CDK14: variants seen among roughly 807,000 people sequenced by gnomAD.
The protein encoded by CDK14 is cyclin-dependent kinase 14.
Under a neutral mutation model 60.7 loss-of-function variants are expected in CDK14, and 34 were observed. That is an observed-to-expected ratio of 0.56 (90% CI 0.43 to 0.75). CDK14 has a LOEUF of 0.75. Ranked by LOEUF, CDK14 falls within the 30% of genes least tolerant of loss-of-function variation. The pLI is 0.00. For synonymous variants in CDK14, 197 were observed against 203.7 expected, an observed-to-expected ratio of 0.97 and a Z score of 0.28; for missense variants, 482 against 564.1, an observed-to-expected ratio of 0.85 and a Z score of 1.47.
chr7:90,943,238 C>G (rs528749811), intron 8 of CDK14, among the ~76,000 whole-genome samples: 1 of 152,080 alleles, frequency 6.6e-6, no homozygotes, highest in South Asian at 2.1e-4. Flanking sequence ...ACATAAGACC[C>G]AGTGTTACGT....
intron 12 of CDK14, among the ~76,000 whole-genome samples, chr7:91,099,594 G>A (rs1198798637): frequency 6.6e-6 from 1 of 152,126 alleles, no homozygotes; most frequent in African/African-American, 2.4e-5. Flanking sequence ...GAAATAATAA[G>A]ATGCCTATAA....
intron 5 of CDK14, among the ~76,000 whole-genome samples, chr7:90,813,337 AT>A (rs1434644849): frequency 6.6e-6 from 1 of 151,930 alleles, no homozygotes; most frequent in Non-Finnish European, 1.5e-5. Context: ...TCAGTTCTGG[AT>A]TGTGCTTATA....
Position 90,703,108 on chromosome 7 carries a change from A to G in CDK14, c.124-23459A>G, listed in dbSNP as rs1239170557. Among the ~76,000 whole-genome samples the G allele has an allele frequency of 2.0e-5, 3 of 151,550 alleles. No individual in the cohort carries two copies. The East Asian group carries it at 5.9e-4, about 30-fold the overall frequency. ...CTTCTTAAGCAGTTTTTTGATAGTC[A>G]TGGGATTGTAGCCTCTGTCCTCAAT... On this transcript the variant is annotated intron_variant, in intron 2 of 14. Coordinates refer to ENST00000380050, the MANE Select transcript of CDK14 (RefSeq NM_001287135.2).
At chr7:90,746,007 A>T (rs1195116408) in intron 3 of CDK14, among the ~76,000 whole-genome samples, 1 of 152,138 alleles carries the variant, frequency 6.6e-6, no homozygotes, top group Non-Finnish European at 1.5e-5. Flanking sequence ...ACCACACTCT[A>T]AGCTGTCTCC....
intron 9 of CDK14, among the ~76,000 whole-genome samples, chr7:90,981,469 G>T (rs1191390629): frequency 6.6e-6 from 1 of 152,050 alleles, no homozygotes; most frequent in East Asian, 1.9e-4. Context: ...GTATACTATT[G>T]GTGTTTACTT....
intron 2 of CDK14, among the ~76,000 whole-genome samples, chr7:90,720,980 A>G (rs1407845819): frequency 6.6e-6 from 1 of 152,126 alleles, no homozygotes; most frequent in African/African-American, 2.4e-5. Context: ...GTTAAATTTC[A>G]TATGTATTAT....
At chr7:91,028,888 C>A (rs765651861) in intron 10 of CDK14, among the ~76,000 whole-genome samples, 2 of 151,794 alleles carry the variant, frequency 1.3e-5, no homozygotes, top group African/African-American at 2.4e-5. Context: ...TCTCCCATTC[C>A]GTAGGTTGTC....
chr7:91,038,874 C>T (rs193069781), intron 10 of CDK14, among the ~76,000 whole-genome samples: 145 of 152,342 alleles, frequency 9.5e-4, no homozygotes, highest in African/African-American at 3.4e-3. Context: ...ACTTGCTCCT[C>T]CTTGCCTTCC....
At chr7:90,766,596 T>G (rs1360839623) in intron 4 of CDK14, among the ~76,000 whole-genome samples, 5 of 152,208 alleles carry the variant, frequency 3.3e-5, no homozygotes. Flanking sequence ...TCTTAACTTT[T>G]ACCATTTTTT....
At chr7:91,076,242 C>CAAAA (rs564729987) in intron 11 of CDK14, among the ~76,000 whole-genome samples, 406 of 28,792 alleles carry the variant, frequency 0.014, 67 homozygotes, top group South Asian at 0.023. Context: ...CTACAGTAAC[C>CAAAA]AAAAAAAAAA....
chr7:90,726,483 T>C, intron 2 of CDK14, 84 bp from the exon 3 acceptor site: 2 of 1,423,572 alleles, frequency 1.4e-6, no homozygotes, highest in Middle Eastern at 1.9e-4. Context: ...GAAATTGGCA[T>C]GCTTTCTAGA....
chr7:91,134,093 T>TGGGCTTTACAAAAGGTGA (rs1385804898), intron 14 of CDK14, among the ~76,000 whole-genome samples: 7 of 152,070 alleles, frequency 4.6e-5, no homozygotes, highest in African/African-American at 1.4e-4. Context: ...CTAATCTCAA[T>TGGGCTTTACAAAAGGTGA]GGGCTTTTCA....
chr7:90,870,998 G>T (rs1476281857), intron 6 of CDK14, among the ~76,000 whole-genome samples: 1 of 151,972 alleles, frequency 6.6e-6, no homozygotes, highest in South Asian at 2.1e-4. Flanking sequence ...CTTATCTCTG[G>T]TTGAACCACT....
chr7:90,679,252 G>A (rs1313596244), intron 2 of CDK14, among the ~76,000 whole-genome samples: 1 of 152,164 alleles, frequency 6.6e-6, no homozygotes, highest in East Asian at 1.9e-4. Context: ...TACCCAGCAG[G>A]AACAGTTCTT....
At chr7:90,600,241 A>C (rs555893430) in intron 1 of CDK14, among the ~76,000 whole-genome samples, 5 of 152,202 alleles carry the variant, frequency 3.3e-5, no homozygotes, top group Non-Finnish European at 5.9e-5. Flanking sequence ...TTTTTTTAAA[A>C]TTTAGGCTAA....
chr7:90,787,077 A>T (rs527598528), intron 4 of CDK14, among the ~76,000 whole-genome samples: 1 of 152,292 alleles, frequency 6.6e-6, no homozygotes, highest in East Asian at 1.9e-4. Context: ...TGAGAGACTC[A>T]GTAGTTGTTG....
At position 91,091,302 on chromosome 7, in the gene CDK14, A is replaced by T. The variant is rs1424673619; in HGVS notation, c.1154+11822A>T. On this transcript the variant is annotated intron_variant, in intron 12 of 14. Transcript: ENST00000380050. ...AATATATATGTATATATTTTTATAT[A>T]TACATATATAATTTATGTATACACA... 2.1e-5 allele frequency among the ~76,000 whole-genome samples: 3 copies of T among 144,650 alleles called. No individual in the cohort carries two copies. In the East Asian group the frequency reaches 5.9e-4, roughly 28 times the overall value. The allele number at this position is 144,650 out of a possible 152,430, so 94.9% of individuals were successfully genotyped here. A position where few individuals can be genotyped will look rare whatever the true frequency, so the allele number is the denominator to read the frequency against.
chr7:90,829,525 G>A (rs1789840221), intron 5 of CDK14, among the ~76,000 whole-genome samples: 1 of 152,042 alleles, frequency 6.6e-6, no homozygotes, highest in African/African-American at 2.4e-5. Flanking sequence ...AATCCAGCAG[G>A]GCAGTCATTA....
intron 14 of CDK14, among the ~76,000 whole-genome samples, chr7:91,142,830 A>AAATAAGTGACCCAACTGATTGAG: frequency 6.6e-6 from 1 of 152,226 alleles, no homozygotes; most frequent in Admixed American, 6.5e-5. Flanking sequence ...ATCTCCTTGA[A>AAATAAGTGACCCAACTGATTGAG]AATAAGTGAC....
Sources: allele counts gnomAD v4.1 joint callset (sites outside exome capture counted in the v4.1 genomes callset), GRCh38; gene constraint gnomAD v4.1.1; transcripts MANE v1.5; gene names NCBI Gene and HGNC (gene_info 2026-07-23, HGNC 2026-07-21).